SLC52A3: variants seen among roughly 807,000 people sequenced by gnomAD.
SLC52A3 encodes the protein solute carrier family 52, riboflavin transporter, member 3.
In SLC52A3, 20 loss-of-function variants were observed where a neutral mutation model predicts 29.5. The observed-to-expected ratio is 0.68, with a 90% CI of 0.48 to 0.99. The LOEUF (loss-of-function observed/expected upper bound fraction) is 0.99. Among genes scored for constraint, SLC52A3 ranks in the 50% least tolerant of loss-of-function variants. The pLI, the probability that SLC52A3 is intolerant of heterozygous loss-of-function variation, is 0.00. For synonymous variants in SLC52A3, 301 were observed against 271.0 expected (o/e 1.11, Z -1.09); for missense variants, 548 against 612.9 (o/e 0.89, Z 1.12).
chr20:766,729 GA>G (rs1291481809), intron 1 of SLC52A3, among the ~76,000 whole-genome samples: 5 of 152,192 alleles, frequency 3.3e-5, no homozygotes, highest in Admixed American at 3.3e-4. Flanking sequence ...GCACCCAGGT[GA>G]AATAAACAGC....
upstream of SLC52A3, among the ~76,000 whole-genome samples, chr20:770,242 C>T (rs1278777256): frequency 3.3e-5 from 5 of 151,976 alleles, no homozygotes; most frequent in East Asian, 1.9e-4. This position sits in a 1 kb window ranked among gnomAD's most constrained non-coding sequence, Gnocchi z 4.5. Context: ...CAGCAACCTC[C>T]GCCTCCCGAG....
chr20:772,736 G>A (rs1236434914), upstream of SLC52A3, among the ~76,000 whole-genome samples: 2 of 152,100 alleles, frequency 1.3e-5, no homozygotes, highest in African/African-American at 4.8e-5. Flanking sequence ...AAGCATTCAC[G>A]AAGCAGAATA....
chr20:761,407 C>CGGG (rs925752570), intron 4 of SLC52A3, 169 bp from the exon 5 acceptor site: 51 of 838,130 alleles, frequency 6.1e-5, no homozygotes, highest in Non-Finnish European at 8.5e-5. Flanking sequence ...GTTGGCCGCC[C>CGGG]GGGGGCGAAG....
chr20:761,179 C>T lies in SLC52A3; in HGVS notation c.1257G>A (p.Val419=), dbSNP rs1986458163. The T allele has an allele frequency of 6.4e-7, 1 of 1,571,444 alleles. No individual in the cohort carries two copies. Among genetic ancestry groups the T allele is most frequent in the Non-Finnish European group, 8.6e-7 (1 of 1,159,996 alleles). Reference sequence around the variant, plus strand: ...CGCTGCGGCTGAGGTCGCGCAGGACCACGCCCAGCATCACCTTGACGTAAC... The same window carrying T: ...CGCTGCGGCTGAGGTCGCGCAGGACTACGCCCAGCATCACCTTGACGTAAC... The part of the protein sequence containing the change: ...CLSYVKVMLG[V]VLRDLSRSAL... The change falls in exon 5 of 5, where the codon GTG becomes GTA. Residue 419 remains valine (V), a synonymous_variant. Coordinates refer to ENST00000645534, the MANE Select transcript of SLC52A3 (RefSeq NM_033409.4).
At chr20:778,174 C>T (rs1254214363), upstream of SLC52A3, among the ~76,000 whole-genome samples, 1 of 152,118 alleles carries the variant, frequency 6.6e-6, no homozygotes, top group African/African-American at 2.4e-5. Flanking sequence ...CGCCACCATG[C>T]CCAGCTAATT....
chr20:763,866 G>C lies in SLC52A3; in HGVS notation c.705C>G (p.Leu235=), dbSNP rs3746806. The stretch of plus-strand genomic sequence containing the variant: ...GACGCTGGAGGACAAAGAACGCCAC[G>C]AGGCAGCAGGCCATCATGATGGATA... ...LLLSIMMACC[L]VAFFVLQRQP... Residue 235 remains leucine, a synonymous_variant, in exon 3 of 5, where the codon CTC becomes CTG. Coordinates refer to ENST00000645534, the MANE Select transcript of SLC52A3 (RefSeq NM_033409.4). The C allele has an allele frequency of 5.0e-6, 8 of 1,614,038 alleles. No homozygotes were observed. The highest frequency in any genetic ancestry group is 4.5e-5 in the East Asian group (2 of 44,886).
At chr20:775,646 C>T (rs141917259) in intron 1 of SLC52A3, among the ~76,000 whole-genome samples, 2 of 152,016 alleles carry the variant, frequency 1.3e-5, no homozygotes, top group African/African-American at 4.8e-5. Flanking sequence ...CAGCCTGTCC[C>T]GACTCCAACA....
In SLC52A3 at chr20:761,773, GC is replaced by G; in HGVS notation, c.1124del (p.Gly375AlafsTer8). The G allele has an allele frequency of 4.3e-6, 7 of 1,614,168 alleles. No individual in the cohort carries two copies. The highest frequency in any genetic ancestry group is 5.9e-6 in the Non-Finnish European group (7 of 1,180,014). Reference sequence around the variant, plus strand: ...TCATCACCGCCATGGCCATGTTGTAGCCCCCAAAGCAGGTCCCAAGCACGGA... The same window carrying G: ...TCATCACCGCCATGGCCATGTTGTAGCCCCAAAGCAGGTCCCAAGCACGGA... ...VLSVLGTCFG[G>X]YNMAMAVMSP... On this transcript the variant is annotated frameshift_variant, in exon 4 of 5. Coordinates refer to ENST00000645534, the MANE Select transcript of SLC52A3 (RefSeq NM_033409.4). LOFTEE classifies it high-confidence loss of function.
intron 1 of SLC52A3, chr20:766,143 C>T (rs1986678253): frequency 3.7e-6 from 1 of 272,390 alleles, no homozygotes; most frequent in South Asian, 4.0e-5. Context: ...CCACGTTGGT[C>T]AGGCTGGTCT....
Position 761,007 on chromosome 20 carries a change from G to GA in SLC52A3, c.*18_*19insT. 6.3e-7 allele frequency: 1 copy of GA among 1,583,268 alleles called. No individual in the cohort carries two copies. The highest frequency in any genetic ancestry group is 8.6e-7 in the Non-Finnish European group (1 of 1,167,246). ...CCCAGTTCCGTCCGTGAGCGATGGG[G>GA]GCGGGGTCGGCGGCCTGCCTAGGCT... On this transcript the variant is annotated 3_prime_UTR_variant, in exon 5 of 5. Coordinates refer to ENST00000645534, the MANE Select transcript of SLC52A3 (RefSeq NM_033409.4).
chr20:778,726 C>T (rs1294420150), upstream of SLC52A3, among the ~76,000 whole-genome samples: 2 of 149,390 alleles, frequency 1.3e-5, no homozygotes, highest in Non-Finnish European at 3.0e-5. Context: ...CCACTTTCTT[C>T]TTCTTTTTTT....
intron 1 of SLC52A3, among the ~76,000 whole-genome samples, chr20:774,515 GAA>G (rs929296837): frequency 6.6e-6 from 1 of 152,198 alleles, no homozygotes; most frequent in African/African-American, 2.4e-5. Context: ...GAGTGAGAGA[GAA>G]GAGACTGAGA....
rs151159166 is a variant in SLC52A3, at chr20:768,129, C to T, written c.-52+168G>A. On this transcript the variant is annotated intron_variant, in intron 1 of 4. Coordinates refer to ENST00000645534, the MANE Select transcript of SLC52A3 (RefSeq NM_033409.4). ...GATGCTGGTGAGTTTATGCTGTTTCCAACAGTCCCAGCATAGGGTAAGCAC... is the reference window on the plus strand; with the variant it reads ...GATGCTGGTGAGTTTATGCTGTTTCTAACAGTCCCAGCATAGGGTAAGCAC... Among the ~76,000 whole-genome samples, 209 of 152,262 alleles carry T rather than the reference C, an allele frequency of 1.4e-3. 1 individual carries two copies. The highest frequency in any genetic ancestry group is 4.7e-3 in the African/African-American group (196 of 41,548).
rs1294499481 is a variant in SLC52A3, at chr20:763,983, C to A, written c.588G>T (p.Val196=). ...GTGCTTCCATTCCGGGGAGGGCGGA[C>A]ACCAAAGCTCTGGGAACTCCCTGCA... The part of the protein sequence containing the change: ...DIAQGVPRAL[V]SALPGMEAPL... The change falls in exon 3 of 5, where the codon GTG becomes GTT. Residue 196 remains valine, a synonymous_variant. Transcript: ENST00000645534. 2 of 1,586,454 alleles carry A rather than the reference C, an allele frequency of 1.3e-6. No individual in the cohort carries two copies. The highest frequency in any genetic ancestry group is 3.7e-5 in the Admixed American group (2 of 54,366).
chr20:772,385 A>G (rs536357117), upstream of SLC52A3, among the ~76,000 whole-genome samples: 16 of 152,252 alleles, frequency 1.1e-4, no homozygotes, highest in East Asian at 3.1e-3. Context: ...CCCACTCCCA[A>G]ATTATCTCCT....
At chr20:774,370 T>G (rs907585236) in intron 1 of SLC52A3, among the ~76,000 whole-genome samples, 7 of 152,178 alleles carry the variant, frequency 4.6e-5, no homozygotes, top group Non-Finnish European at 8.8e-5. Flanking sequence ...TAGTGAGGCC[T>G]GTAGGCGTCT....
At chr20:762,974 A>G (rs958009279) in intron 3 of SLC52A3, among the ~76,000 whole-genome samples, 2 of 152,216 alleles carry the variant, frequency 1.3e-5, no homozygotes, top group Non-Finnish European at 2.9e-5. Context: ...GGCTGGTTCA[A>G]TCTGCATTTT....
chr20:766,709 C>T (rs1207070213), intron 1 of SLC52A3, among the ~76,000 whole-genome samples: 1 of 152,194 alleles, frequency 6.6e-6, no homozygotes, highest in Non-Finnish European at 1.5e-5. Flanking sequence ...TTTTCGGACT[C>T]AGCCCGCCTG....
chr20:771,297 G>A (rs1334183634), upstream of SLC52A3, among the ~76,000 whole-genome samples: 3 of 152,084 alleles, frequency 2.0e-5, no homozygotes, highest in East Asian at 5.8e-4. Context: ...TATGGTGGTG[G>A]GCACCTGTAA....
Sources: allele counts gnomAD v4.1 joint callset (sites outside exome capture counted in the v4.1 genomes callset), GRCh38; gene constraint gnomAD v4.1.1; non-coding constraint Gnocchi (gnomAD v3.1); transcripts MANE v1.5; gene names NCBI Gene and HGNC (gene_info 2026-07-23, HGNC 2026-07-21).